GUCY2C: variants seen among roughly 807,000 people sequenced by gnomAD.
GUCY2C encodes guanylate cyclase 2C.
Under a neutral mutation model 131.1 loss-of-function variants are expected in GUCY2C, and 118 were observed. The observed-to-expected ratio is 0.90, with a 90% CI of 0.78 to 1.05. GUCY2C has a LOEUF of 1.05. Ranked by LOEUF, GUCY2C falls within the 50% of genes least tolerant of loss-of-function variation. The probability of loss-of-function intolerance (pLI) is 0.00; values close to 1 mark genes in which losing one functional copy is unlikely to be tolerated. For synonymous variants in GUCY2C, 452 were observed against 457.8 expected, an observed-to-expected ratio of 0.99 and a Z score of 0.16; for missense variants, 1,161 against 1,304.4, an observed-to-expected ratio of 0.89 and a Z score of 1.69.
At chr12:14,643,541 A>G in intron 17 of GUCY2C, 33 bp downstream of exon 17, 1 of 1,607,712 alleles carries the variant, frequency 6.2e-7, no homozygotes. Flanking sequence ...AAAATCAGTT[A>G]GGAAACTAGT....
intron 12 of GUCY2C, among the ~76,000 whole-genome samples, chr12:14,653,658 C>T (rs970648802): frequency 1.3e-5 from 2 of 152,202 alleles, no homozygotes; most frequent in Admixed American, 1.3e-4. Context: ...TTAATGACTT[C>T]TGGTCCAAAG....
chr12:14,674,989 C>G (rs1052980398), intron 7 of GUCY2C, among the ~76,000 whole-genome samples: 9 of 152,004 alleles, frequency 5.9e-5, no homozygotes, highest in African/African-American at 1.9e-4. Context: ...GAGGGCGGAG[C>G]ACCTGAGTTC....
rs551872129 is a variant in GUCY2C at position 14,666,763 on chromosome 12, A to C, written c.1282+2959T>G. Among the ~76,000 whole-genome samples, 44 of 151,926 alleles carry C rather than the reference A, an allele frequency of 2.9e-4. 1 individual carries two copies. The highest frequency in any genetic ancestry group is 1.0e-3 in the African/African-American group (42 of 41,480). On this transcript the variant is annotated intron_variant, in intron 10 of 26. Transcript: ENST00000261170. The stretch of plus-strand genomic sequence containing the variant: ...AAAAAAAAAAAAAGAGTAAGAAAAG[A>C]AAAGAAAAAGCCTTACTGAGGACTC...
Position 14,625,745 on chromosome 12 carries a change from G to T in GUCY2C, c.2408+12C>A. The stretch of plus-strand genomic sequence containing the variant: ...GGGATTTCAGCCTCCACATCAGCAA[G>T]GCTTGCCTTACCTTGGAAGCAACAT... On this transcript the variant is annotated intron_variant, in intron 21 of 26. Transcript: ENST00000261170. 1 of 1,613,312 alleles carries T rather than the reference G, an allele frequency of 6.2e-7. No homozygotes were observed. The highest frequency in any genetic ancestry group is 1.3e-5 in the African/African-American group (1 of 75,032).
At chr12:14,679,022 A>G (rs753941714) in intron 6 of GUCY2C, among the ~76,000 whole-genome samples, 1 of 152,218 alleles carries the variant, frequency 6.6e-6, no homozygotes, top group Non-Finnish European at 1.5e-5. Context: ...ATAATTGTGT[A>G]TATCAGACTC....
At chr12:14,650,892 G>A (rs1178188576) in intron 15 of GUCY2C, among the ~76,000 whole-genome samples, 3 of 152,120 alleles carry the variant, frequency 2.0e-5, no homozygotes, top group South Asian at 2.1e-4. Flanking sequence ...AGTTTATACC[G>A]CATAGTATGA....
rs887156053 is a variant in GUCY2C, at chr12:14,652,131, T to C, written c.1534-101A>G. On this transcript the variant is annotated intron_variant, in intron 13 of 26. Coordinates refer to ENST00000261170, the MANE Select transcript of GUCY2C (RefSeq NM_004963.4). The stretch of plus-strand genomic sequence containing the variant: ...TGTGTCTCACTAGACTATAAACTTT[T>C]GAGAGCAGTGACAGTATTTGATTGA... The C allele has an allele frequency of 4.8e-5, 24 of 498,350 alleles. 1 individual carries two copies. Among genetic ancestry groups the C allele is most frequent in the Middle Eastern group, 1.1e-3 (2 of 1,806 alleles). 30.9% of individuals were successfully genotyped at this position (498,350 alleles called of 1,614,324 possible).
chr12:14,624,563 A>G (rs1010488024), intron 21 of GUCY2C, among the ~76,000 whole-genome samples: 2 of 152,266 alleles, frequency 1.3e-5, no homozygotes, highest in Admixed American at 6.5e-5. Flanking sequence ...TGGTTCCTAC[A>G]TGCAATCTTA....
At chr12:14,678,300 A>G (rs767982768) in intron 6 of GUCY2C, among the ~76,000 whole-genome samples, 37 of 152,372 alleles carry the variant, frequency 2.4e-4, no homozygotes, top group Non-Finnish European at 4.4e-4. Context: ...AAGTGTCAGA[A>G]TTAGAATGTG....
chr12:14,656,123 C>T (rs1261024827), intron 12 of GUCY2C, among the ~76,000 whole-genome samples: 2 of 152,152 alleles, frequency 1.3e-5, no homozygotes, highest in Non-Finnish European at 2.9e-5. Context: ...AAGCAGAGGC[C>T]TCTTTCTTCA....
chr12:14,632,564 T>G (rs1471011257), intron 19 of GUCY2C, among the ~76,000 whole-genome samples: 3 of 152,194 alleles, frequency 2.0e-5, no homozygotes, highest in Non-Finnish European at 4.4e-5. Flanking sequence ...AGTACATTTC[T>G]CTATTCTTTT....
chr12:14,619,309 C>T lies in GUCY2C; in HGVS notation c.2777G>A (p.Gly926Asp), dbSNP rs1592074228. 1.3e-6 allele frequency: 2 copies of T among 1,599,970 alleles called. No individual in the cohort carries two copies. The highest frequency in any genetic ancestry group is 4.5e-5 in the East Asian group (2 of 44,816). The part of the protein sequence containing the change: ...PIWIRIGVHS[G>D]PCAAGVVGIK... Reference sequence around the variant, plus strand: ...TCCCACAACTCCAGCAGCACAGGGACCTGAAATGAAGGACAGAAAGCAGGA... The same window carrying T: ...TCCCACAACTCCAGCAGCACAGGGATCTGAAATGAAGGACAGAAAGCAGGA... The change falls in exon 24 of 27, where the codon GGT (glycine) becomes GAT (aspartate). Residue 926 changes from glycine to aspartate, a missense_variant and splice_region_variant. Physicochemically the swap from Gly to Asp is moderately conservative, Grantham distance 94. Transcript: ENST00000261170.
At chr12:14,650,463 G>A (rs1442703312) in intron 15 of GUCY2C, among the ~76,000 whole-genome samples, 1 of 152,098 alleles carries the variant, frequency 6.6e-6, no homozygotes, top group South Asian at 2.1e-4. Context: ...GGCCAAGATG[G>A]TCTCGATCTC....
At chr12:14,621,969 A>G (rs150733169) in intron 22 of GUCY2C, 36 bp downstream of exon 22, 5 of 1,454,680 alleles carry the variant, frequency 3.4e-6, no homozygotes, top group Non-Finnish European at 4.7e-6. Context: ...TGAGTTGTAC[A>G]ATTAATGGTT....
At chr12:14,630,466 GGTTTTGTCTGTGTTGAACAT>G (rs1947119651) in intron 19 of GUCY2C, among the ~76,000 whole-genome samples, 1 of 152,100 alleles carries the variant, frequency 6.6e-6, no homozygotes, top group Non-Finnish European at 1.5e-5. Flanking sequence ...AAAACAGGAT[GGTTTTGTCTGTGTTGAACAT>G]GTACCGACCT....
intron 11 of GUCY2C, among the ~76,000 whole-genome samples, 167 bp downstream of exon 11, chr12:14,660,814 T>C (rs545416738): frequency 8.9e-4 from 136 of 152,332 alleles, no homozygotes; most frequent in African/African-American, 3.2e-3. Context: ...CACTCAATAA[T>C]ATTCTGCCCT....
Position 14,614,928 on chromosome 12 carries a change from T to C in GUCY2C, c.2986A>G (p.Thr996Ala). 1.9e-6 allele frequency: 3 copies of C among 1,579,010 alleles called. No individual in the cohort carries two copies. The highest frequency in any genetic ancestry group is 2.6e-6 in the Non-Finnish European group (3 of 1,164,496). The change falls in exon 26 of 27, where the codon ACT becomes GCT. Residue 996 changes from threonine (T) to alanine (A), a missense_variant. Thr to Ala is a moderately conservative substitution (Grantham distance 58, BLOSUM62 0). Transcript: ENST00000261170. ...TTCATCCCAGTCAGCCAGTAGGTAG[T>C]CTCATTTCCTCTTCCCTGGTAAGAC... ...ETYLKGRGNE[T>A]TYWLTGMKDQ...
At chr12:14,668,953 G>T (rs185701717) in intron 10 of GUCY2C, among the ~76,000 whole-genome samples, 6 of 152,244 alleles carry the variant, frequency 3.9e-5, no homozygotes, top group Admixed American at 2.6e-4. Flanking sequence ...GGGAACAGGG[G>T]AGACTGTAAA....
At chr12:14,657,640 G>A (rs1391190167) in intron 11 of GUCY2C, among the ~76,000 whole-genome samples, 3 of 152,090 alleles carry the variant, frequency 2.0e-5, no homozygotes, top group Admixed American at 6.6e-5. Context: ...TCACAGGACC[G>A]CGAACCCTAT....
Sources: gnomAD v4.1 joint callset for allele counts (sites outside exome capture counted in the v4.1 genomes callset) on GRCh38, gnomAD v4.1.1 for gene constraint, MANE v1.5 for transcripts, NCBI Gene and HGNC (gene_info 2026-07-23, HGNC 2026-07-21) for gene names.